Variants in R3HDM1 observed in about 807,000 individuals in gnomAD.
R3HDM1 encodes R3H domain-containing protein 1.
Under a neutral mutation model 141.1 loss-of-function variants are expected in R3HDM1, and 46 were observed. The ratio of observed to expected loss-of-function variants is 0.33; its 90% CI spans 0.26 to 0.42. The LOEUF is 0.42. Among genes scored for constraint, R3HDM1 ranks in the 10% least tolerant of loss-of-function variants. The pLI is 1.00. For synonymous variants in R3HDM1, 435 were observed against 472.9 expected (o/e 0.92, Z 1.04); for missense variants, 1,184 against 1,368.3 (o/e 0.87, Z 2.12).
intron 18 of R3HDM1, among the ~76,000 whole-genome samples, chr2:135,659,671 C>T (rs1207393917): frequency 6.6e-6 from 1 of 152,168 alleles, no homozygotes; most frequent in Non-Finnish European, 1.5e-5. Context: ...CTCCTGGGCT[C>T]AAGCGATCCT....
rs890860310 is a variant in R3HDM1, at chr2:135,555,235, T to G, written c.-250+23602T>G. Among the ~76,000 whole-genome samples the G allele has an allele frequency of 2.7e-5, 4 of 149,998 alleles. No homozygotes were observed. The South Asian group carries it at 8.4e-4, about 32-fold the overall frequency. On this transcript the variant is annotated intron_variant, in intron 1 of 26. Transcript: ENST00000683871. Reference sequence around the variant, plus strand: ...TTGCTTGAACCCAGGAGGTGGAGATTGTAGTGAGCCGAGATCGAGCCACTG... The same window carrying G: ...TTGCTTGAACCCAGGAGGTGGAGATGGTAGTGAGCCGAGATCGAGCCACTG...
intron 19 of R3HDM1, among the ~76,000 whole-genome samples, chr2:135,663,752 C>T (rs1324058219): frequency 6.6e-6 from 1 of 152,042 alleles, no homozygotes; most frequent in Non-Finnish European, 1.5e-5. Context: ...GAAGGCCAGG[C>T]ACGGTGGCTC....
intron 1 of R3HDM1, among the ~76,000 whole-genome samples, chr2:135,579,595 C>CGGGGGGGGG (rs371620854): frequency 1.2e-5 from 1 of 86,856 alleles, no homozygotes; most frequent in African/African-American, 5.8e-5. Flanking sequence ...TATGGGGTGG[C>CGGGGGGGGG]GGGGGGGGGT....
chr2:135,555,859 TAAA>T (rs552606847), intron 1 of R3HDM1, among the ~76,000 whole-genome samples: 1 of 151,840 alleles, frequency 6.6e-6, no homozygotes, highest in South Asian at 2.1e-4. Flanking sequence ...CTACAGAAAT[TAAA>T]AAAATTAGCT....
chr2:135,669,286 T>C, intron 19 of R3HDM1: 3 of 985,388 alleles, frequency 3.0e-6, no homozygotes, highest in Non-Finnish European at 3.6e-6. Flanking sequence ...TTACACCTGC[T>C]CTTTTTTAAA....
intron 21 of R3HDM1, among the ~76,000 whole-genome samples, chr2:135,698,980 CAG>C (rs2073716646): frequency 1.3e-5 from 1 of 78,130 alleles, no homozygotes; most frequent in African/African-American, 4.8e-5. Flanking sequence ...ATATTACACT[CAG>C]ATAGATAGAT....
chr2:135,605,016 G>A lies in R3HDM1; in HGVS notation c.171G>A (p.Gln57=). 1 of 1,576,160 alleles carries A rather than the reference G, an allele frequency of 6.3e-7. No individual in the cohort carries two copies. The highest frequency in any genetic ancestry group is 8.7e-7 in the Non-Finnish European group (1 of 1,154,958). ...GTATTGAGAACAATATAGATTTGCA[G>A]GTAAACAGGAATTTTTCTCTGGCTA... ...EHCIENNIDL[Q]RPLQSFGQTG... The change falls in exon 3 of 27, where the codon CAG becomes CAA. Residue 57 remains glutamine, a splice_region_variant and synonymous_variant. Coordinates refer to ENST00000683871, the MANE Select transcript of R3HDM1 (RefSeq NM_001378107.1).
chr2:135,538,462 C>T (rs1395781729), intron 1 of R3HDM1, among the ~76,000 whole-genome samples: 1 of 152,110 alleles, frequency 6.6e-6, no homozygotes, highest in East Asian at 1.9e-4. Flanking sequence ...AACTTGTTTG[C>T]AGTAACTTTT....
intron 3 of R3HDM1, among the ~76,000 whole-genome samples, chr2:135,614,291 T>C (rs2060814037): frequency 6.6e-6 from 1 of 152,184 alleles, no homozygotes; most frequent in South Asian, 2.1e-4. Flanking sequence ...AGCACCCCCA[T>C]TTTATAGACT....
In R3HDM1 at chr2:135,531,549, G is replaced by C; in HGVS notation, c.-334G>C. The C allele has an allele frequency of 2.0e-6, 2 of 985,718 alleles. No individual in the cohort carries two copies. Among genetic ancestry groups the C allele is most frequent in the Non-Finnish European group, 2.4e-6 (2 of 829,980 alleles). 61.1% of individuals were successfully genotyped at this position (985,718 alleles called of 1,614,324 possible). Reference sequence around the variant, plus strand: ...CTGGTGATGGGGTTAATTCCCTTTCGTAAGACTCTTACTTGCACCCACCCA... The same window carrying C: ...CTGGTGATGGGGTTAATTCCCTTTCCTAAGACTCTTACTTGCACCCACCCA... On this transcript the variant is annotated 5_prime_UTR_variant, in exon 1 of 27. Transcript: ENST00000683871.
chr2:135,651,736 A>T lies in R3HDM1; in HGVS notation c.1732A>T (p.Asn578Tyr), dbSNP rs1428428001. Residue 578 changes from asparagine (N) to tyrosine (Y), a missense_variant, in exon 18 of 27, where the codon AAC (asparagine) becomes TAC (tyrosine). By Grantham distance (143) the Asn-to-Tyr change is moderately radical. Transcript: ENST00000683871. ...TGACTTCTTCCTTTTTTAGCAGGAT[A>T]ACCTAGGGTCTCAGTTTAGCCACAT... ...SPTQQYSVQDNLGSQFSHMSL... is the reference protein window; with the variant it reads ...SPTQQYSVQDYLGSQFSHMSL... 6.2e-7 allele frequency: 1 copy of T among 1,602,374 alleles called. No individual in the cohort carries two copies. Among genetic ancestry groups the T allele is most frequent in the Non-Finnish European group, 8.5e-7 (1 of 1,171,420 alleles).
intron 1 of R3HDM1, among the ~76,000 whole-genome samples, chr2:135,547,296 T>C (rs1370539216): frequency 1.3e-5 from 2 of 152,180 alleles, no homozygotes; most frequent in African/African-American, 4.8e-5. Flanking sequence ...TGGGTCTGCA[T>C]TTGACTATCA....
intron 7 of R3HDM1, among the ~76,000 whole-genome samples, chr2:135,628,226 G>C (rs1405533918): frequency 2.0e-5 from 3 of 152,122 alleles, no homozygotes; most frequent in East Asian, 1.9e-4. Context: ...CTCAATTACA[G>C]ATTTGAAAAT....
intron 1 of R3HDM1, among the ~76,000 whole-genome samples, chr2:135,599,327 A>G (rs2059437686): frequency 6.6e-6 from 1 of 152,160 alleles, no homozygotes; most frequent in South Asian, 2.1e-4. Context: ...TCATATATCC[A>G]TCTCTCTTAG....
chr2:135,706,536 G>A (rs2074950972), intron 21 of R3HDM1, among the ~76,000 whole-genome samples: 1 of 152,120 alleles, frequency 6.6e-6, no homozygotes, highest in Non-Finnish European at 1.5e-5. Context: ...CTTACGCAGT[G>A]TTTGTGTCCC....
intron 3 of R3HDM1, among the ~76,000 whole-genome samples, chr2:135,613,197 A>G (rs1361979295): frequency 6.6e-6 from 1 of 152,174 alleles, no homozygotes; most frequent in African/African-American, 2.4e-5. Context: ...ACGCTTTGGG[A>G]AAGAATTTGC....
rs151233134 is a variant in R3HDM1 at position 135,661,328 on chromosome 2, C to T, written c.2087C>T (p.Pro696Leu). The change falls in exon 19 of 27, where the codon CCA (proline) becomes CTA (leucine). Residue 696 changes from proline to leucine, a missense_variant. Pro to Leu is a moderately conservative substitution (Grantham distance 98). Transcript: ENST00000683871. Reference protein sequence around the residue: ...HYHSSQPQYRPVPSVHYNSHL... With the variant: ...HYHSSQPQYRLVPSVHYNSHL... ...CACTCCAGCCAACCTCAGTATCGCC[C>T]AGTCCCTTCTGTTCATTACAATTCA... 766 of 1,613,670 alleles carry T rather than the reference C, an allele frequency of 4.7e-4. No individual in the cohort carries two copies. Among genetic ancestry groups the T allele is most frequent in the Non-Finnish European group, 5.9e-4 (701 of 1,179,682 alleles).
At chr2:135,603,688 A>T (rs1380649989) in intron 2 of R3HDM1, among the ~76,000 whole-genome samples, 2 of 152,176 alleles carry the variant, frequency 1.3e-5, no homozygotes, top group East Asian at 3.9e-4. Flanking sequence ...GCTCACTGGA[A>T]CACACGCCTT....
intron 1 of R3HDM1, among the ~76,000 whole-genome samples, chr2:135,555,981 A>C (rs567929928): frequency 6.6e-6 from 1 of 151,898 alleles, no homozygotes; most frequent in African/African-American, 2.4e-5. Flanking sequence ...TTGCCACTGT[A>C]CTCCAACCTG....
Sources: gnomAD v4.1 joint callset for allele counts (sites outside exome capture counted in the v4.1 genomes callset) on GRCh38, gnomAD v4.1.1 for gene constraint, MANE v1.5 for transcripts, NCBI Gene and HGNC (gene_info 2026-07-23, HGNC 2026-07-21) for gene names.